The following NALCN variants were observed in gnomAD, a reference collection of about 807,000 sequenced individuals.
NALCN encodes sodium leak channel NALCN.
NALCN carries 111 observed loss-of-function variants against 225.3 expected under a neutral mutation model. The observed-to-expected ratio is 0.49, with a 90% CI of 0.42 to 0.58. The LOEUF (loss-of-function observed/expected upper bound fraction) is 0.58. Among genes scored for constraint, NALCN ranks in the 20% least tolerant of loss-of-function variants. The pLI is 0.00. For synonymous variants in NALCN, 764 were observed against 769.0 expected, an observed-to-expected ratio of 0.99 and a Z score of 0.11; for missense variants, 1,378 against 2,202.4, an observed-to-expected ratio of 0.63 and a Z score of 7.49.
intron 10 of NALCN, among the ~76,000 whole-genome samples, chr13:101,259,730 G>GTATATATATA (rs1459768786): frequency 3.3e-5 from 1 of 30,384 alleles, no homozygotes; most frequent in Non-Finnish European, 1.7e-4. Context: ...TACATAGTAA[G>GTATATATATA]TGTATATATA....
chr13:101,076,069 T>C (rs1401549599), intron 34 of NALCN, 128 bp from the exon 35 acceptor site: 3 of 630,720 alleles, frequency 4.8e-6, no homozygotes, highest in Non-Finnish European at 7.5e-6. Flanking sequence ...TATAAGAAAG[T>C]GATCTAAAAA....
At chr13:101,268,788 A>C (rs1241745955) in intron 10 of NALCN, among the ~76,000 whole-genome samples, 1 of 152,174 alleles carries the variant, frequency 6.6e-6, no homozygotes, top group Non-Finnish European at 1.5e-5. Flanking sequence ...AAACATGGGA[A>C]ATTTTCTTTA....
intron 10 of NALCN, among the ~76,000 whole-genome samples, chr13:101,277,065 T>G (rs972595442): frequency 1.3e-5 from 2 of 151,724 alleles, no homozygotes; most frequent in African/African-American, 2.4e-5. Flanking sequence ...TACACACACA[T>G]AGAGAGAGAG....
intron 11 of NALCN, among the ~76,000 whole-genome samples, chr13:101,253,579 C>T (rs74403522): frequency 2.4e-4 from 36 of 151,996 alleles, no homozygotes; most frequent in Non-Finnish European, 4.1e-4. Context: ...AATGGGCCCC[C>T]CAAAAATCAT....
chr13:101,058,430 T>TTTTTTAATA, intron 42 of NALCN: 1 of 146,058 alleles, frequency 6.8e-6, no homozygotes, highest in Non-Finnish European at 1.5e-5. Context: ...GCGGGGGCAG[T>TTTTTTAATA]CTACTGTCAC....
chr13:101,147,824 A>G (rs2037431063), intron 15 of NALCN, among the ~76,000 whole-genome samples: 1 of 152,142 alleles, frequency 6.6e-6, no homozygotes, highest in Admixed American at 6.5e-5. Context: ...GCTTGGAAAC[A>G]TCTGCACCCT....
At chr13:101,210,166 G>A (rs566839148) in intron 13 of NALCN, among the ~76,000 whole-genome samples, 53 of 152,180 alleles carry the variant, frequency 3.5e-4, no homozygotes, top group African/African-American at 1.3e-3. Context: ...CTTAGAGGGG[G>A]TCCCTCTCTC....
intron 35 of NALCN, 40 bp downstream of exon 35, chr13:101,075,833 T>C (rs755465040): frequency 1.9e-6 from 3 of 1,543,256 alleles, no homozygotes; most frequent in Non-Finnish European, 8.9e-7. Flanking sequence ...CATTAACACA[T>C]ATATGACCTT....
chr13:101,202,357 A>C (rs1170839465), intron 13 of NALCN, among the ~76,000 whole-genome samples: 1 of 152,190 alleles, frequency 6.6e-6, no homozygotes, highest in Non-Finnish European at 1.5e-5. Context: ...TTAAAATCCT[A>C]TGGTAAATAA....
chr13:101,105,156 C>T lies in NALCN; in HGVS notation c.2580-206G>A, dbSNP rs762196687. Among the ~76,000 whole-genome samples, 90 of 152,144 alleles carry T rather than the reference C, an allele frequency of 5.9e-4. 1 individual carries two copies. Among genetic ancestry groups the T allele is most frequent in the Admixed American group, 2.6e-4 (4 of 15,264 alleles). On this transcript the variant is annotated intron_variant, in intron 22 of 43. Transcript: ENST00000251127. ...AAATCCAAAGAATTTGCAGTTGATG[C>T]TTATGAAAATAAAGTTTTATATTTC... is the stretch of plus-strand genomic sequence containing the variant.
intron 7 of NALCN, among the ~76,000 whole-genome samples, chr13:101,303,104 AG>A (rs2096710235): frequency 6.6e-6 from 1 of 152,156 alleles, no homozygotes; most frequent in Admixed American, 6.5e-5. Context: ...GTTGATTTCC[AG>A]TTACTGACTT....
Position 101,208,002 on chromosome 13 carries a change from G to A in NALCN, c.1627-15948C>T, listed in dbSNP as rs143336213. Among the ~76,000 whole-genome samples the A allele has an allele frequency of 5.4e-3, 818 of 151,166 alleles. 5 individuals are homozygous for A. Among genetic ancestry groups the A allele is most frequent in the African/African-American group, 0.018 (758 of 41,106 alleles). ...AACTCCAGAGGCGCTGCCTTTATGA[G>A]CTGTAACACTCACCACGAAGGTCTG... On this transcript the variant is annotated intron_variant, in intron 13 of 43. Transcript: ENST00000251127.
At chr13:101,212,672 G>A (rs182067382) in intron 13 of NALCN, among the ~76,000 whole-genome samples, 7 of 152,092 alleles carry the variant, frequency 4.6e-5, no homozygotes, top group Non-Finnish European at 7.4e-5. Flanking sequence ...ACTGAGGGAG[G>A]GTAAAGCTGA....
At chr13:101,223,257 G>T (rs918705984) in intron 13 of NALCN, among the ~76,000 whole-genome samples, 1 of 152,184 alleles carries the variant, frequency 6.6e-6, no homozygotes, top group African/African-American at 2.4e-5. Context: ...TGCTCTATTT[G>T]CCAGAAAGCT....
intron 12 of NALCN, among the ~76,000 whole-genome samples, chr13:101,233,907 T>G (rs758463392): frequency 3.0e-4 from 45 of 152,170 alleles, no homozygotes; most frequent in Non-Finnish European, 5.4e-4. Flanking sequence ...CTGCATTGGT[T>G]GCAGCCCAGC....
Position 101,237,739 on chromosome 13 carries a change from G to A in NALCN, c.1434+16C>T, listed in dbSNP as rs767835476. On this transcript the variant is annotated intron_variant, in intron 12 of 43. Transcript: ENST00000251127. The stretch of plus-strand genomic sequence containing the variant: ...TAAATAAATTTCTAAAGACAAATAG[G>A]CATTATTTTTATTACCTGAAAGTAC... The A allele has an allele frequency of 2.6e-6, 4 of 1,534,312 alleles. No homozygotes were observed. The highest frequency in any genetic ancestry group is 3.5e-6 in the Non-Finnish European group (4 of 1,140,504).
intron 28 of NALCN, among the ~76,000 whole-genome samples, chr13:101,094,540 A>C (rs1236575406): frequency 6.6e-6 from 1 of 151,982 alleles, no homozygotes; most frequent in Non-Finnish European, 1.5e-5. Flanking sequence ...ATGCTCCTTT[A>C]ATTTTTATTT....
intron 6 of NALCN, among the ~76,000 whole-genome samples, chr13:101,353,360 C>T (rs2045960405): frequency 6.6e-6 from 1 of 152,186 alleles, no homozygotes; most frequent in African/African-American, 2.4e-5. Context: ...GCTGTTACCG[C>T]CTTCCAGCTT....
chr13:101,084,560 C>G (rs1309019037), intron 30 of NALCN, among the ~76,000 whole-genome samples: 2 of 151,374 alleles, frequency 1.3e-5, no homozygotes, highest in Non-Finnish European at 2.9e-5. Flanking sequence ...AGAATTTGTT[C>G]TGAATTTTTT....
Sources: gnomAD v4.1 joint callset for allele counts (sites outside exome capture counted in the v4.1 genomes callset) on GRCh38, gnomAD v4.1.1 for gene constraint, MANE v1.5 for transcripts, NCBI Gene and HGNC (gene_info 2026-07-23, HGNC 2026-07-21) for gene names.